CNBD1: variants seen among roughly 807,000 people sequenced by gnomAD.
CNBD1 encodes the protein cyclic nucleotide-binding domain-containing protein 1.
Under a neutral mutation model 54.4 loss-of-function variants are expected in CNBD1, and 71 were observed. The observed-to-expected ratio is 1.30, with a 90% CI of 1.08 to 1.59. The LOEUF is 1.59. CNBD1 is among the 40% of genes most tolerant of loss of function. The pLI, the probability that CNBD1 is intolerant of heterozygous loss-of-function variation, is 0.00. For missense variants in CNBD1, 659 were observed against 518.0 expected (o/e 1.27, Z -2.64); for synonymous variants, 182 against 170.7 (o/e 1.07, Z -0.51).
intron 8 of CNBD1, among the ~76,000 whole-genome samples, chr8:87,341,490 C>G (rs941435898): frequency 6.6e-6 from 1 of 152,158 alleles, no homozygotes; most frequent in East Asian, 1.9e-4. Flanking sequence ...GTAGTGTAAA[C>G]TCTTCTAATA....
intron 4 of CNBD1, among the ~76,000 whole-genome samples, chr8:87,109,641 C>T (rs577332166): frequency 1.3e-4 from 20 of 151,122 alleles, no homozygotes; most frequent in African/African-American, 4.6e-4. Flanking sequence ...TGGGTTCACG[C>T]CATTCTCCTG....
At chr8:87,288,083 T>A (rs1808729122) in intron 8 of CNBD1, among the ~76,000 whole-genome samples, 1 of 152,090 alleles carries the variant, frequency 6.6e-6, no homozygotes, top group Non-Finnish European at 1.5e-5. Flanking sequence ...GTTTATTACA[T>A]AGAAACAGAT....
chr8:87,353,189 T>C (rs1810342706), intron 9 of CNBD1, among the ~76,000 whole-genome samples: 1 of 152,230 alleles, frequency 6.6e-6, no homozygotes, highest in Non-Finnish European at 1.5e-5. Context: ...TCCCTCCTTT[T>C]TGACTTAATA....
At chr8:87,152,807 G>A (rs1812634847) in intron 4 of CNBD1, among the ~76,000 whole-genome samples, 1 of 152,094 alleles carries the variant, frequency 6.6e-6, no homozygotes, top group African/African-American at 2.4e-5. Context: ...AAAAACAAAG[G>A]TCTGCAAGTT....
At position 86,888,417 on chromosome 8, in the gene CNBD1, T is replaced by C. The variant is rs944276866; in HGVS notation, c.158+806T>C. Among the ~76,000 whole-genome samples the C allele has an allele frequency of 6.6e-5, 10 of 152,212 alleles. 1 individual carries two copies. The highest frequency in any genetic ancestry group is 5.9e-4 in the Admixed American group (9 of 15,278). On this transcript the variant is annotated intron_variant, in intron 2 of 10. Transcript: ENST00000518476. ...TCCTTGCACCCAGTGCCTTTCGACA[T>C]GGAGTAAAGAATGAAGTCCACACAC...
At chr8:87,177,656 A>C (rs1813227394) in intron 4 of CNBD1, among the ~76,000 whole-genome samples, 1 of 152,190 alleles carries the variant, frequency 6.6e-6, no homozygotes, top group African/African-American at 2.4e-5. Context: ...ATAAAACACA[A>C]AGCACTCAAG....
chr8:87,343,849 A>G (rs568124066), intron 8 of CNBD1, among the ~76,000 whole-genome samples: 100 of 152,256 alleles, frequency 6.6e-4, no homozygotes, highest in African/African-American at 2.3e-3. Context: ...CTTAATATAT[A>G]AATATGTAGA....
At chr8:87,125,881 C>T (rs990739588) in intron 4 of CNBD1, among the ~76,000 whole-genome samples, 1 of 151,762 alleles carries the variant, frequency 6.6e-6, no homozygotes, top group African/African-American at 2.4e-5. Flanking sequence ...ATTTCTATTG[C>T]TATATAGATC....
intron 4 of CNBD1, among the ~76,000 whole-genome samples, chr8:86,951,367 T>A (rs1240129967): frequency 6.6e-6 from 1 of 151,786 alleles, no homozygotes. Flanking sequence ...GGCAGGCAGA[T>A]CACCTGAGGT....
At chr8:86,920,092 A>C (rs1809247696) in intron 3 of CNBD1, among the ~76,000 whole-genome samples, 1 of 152,164 alleles carries the variant, frequency 6.6e-6, no homozygotes, top group African/African-American at 2.4e-5. Context: ...TTAAAGCATT[A>C]ATTCATTCAT....
chr8:86,884,130 C>T (rs979938192), intron 1 of CNBD1, among the ~76,000 whole-genome samples: 23 of 150,642 alleles, frequency 1.5e-4, no homozygotes, highest in African/African-American at 5.6e-4. Context: ...CCAGCCTGGG[C>T]GACAGAGCGA....
At chr8:87,337,161 G>T (rs922526489) in intron 8 of CNBD1, among the ~76,000 whole-genome samples, 6 of 152,114 alleles carry the variant, frequency 3.9e-5, no homozygotes, top group Non-Finnish European at 8.8e-5. Flanking sequence ...TCCCTGTTGT[G>T]GGATCTTACC....
intron 10 of CNBD1, among the ~76,000 whole-genome samples, chr8:87,379,957 T>A (rs1296078910): frequency 3.3e-5 from 5 of 151,844 alleles, no homozygotes; most frequent in African/African-American, 4.8e-5. Context: ...TTAGAAACAT[T>A]TACCAAGTGG....
In CNBD1 at chr8:87,376,590, G is replaced by T. The variant is rs540816934; in HGVS notation, c.1304-6030G>T. Among the ~76,000 whole-genome samples, 4 of 151,846 alleles carry T rather than the reference G, an allele frequency of 2.6e-5. 1 individual carries two copies. Among genetic ancestry groups the T allele is most frequent in the Admixed American group, 2.0e-4 (3 of 15,188 alleles). On this transcript the variant is annotated intron_variant, in intron 10 of 10. Coordinates refer to ENST00000518476, the MANE Select transcript of CNBD1 (RefSeq NM_173538.3). ...ATAGCAACATGCTTCGCACACATTT[G>T]GACATATGTATTCATAGAGTTCTAT...
intron 8 of CNBD1, among the ~76,000 whole-genome samples, chr8:87,332,262 C>T (rs761501885): frequency 2.6e-5 from 4 of 151,410 alleles, no homozygotes; most frequent in East Asian, 2.0e-4. Flanking sequence ...TCAGGAGAAT[C>T]GCTTGAACGC....
intron 4 of CNBD1, among the ~76,000 whole-genome samples, chr8:86,958,504 G>C (rs1036289395): frequency 6.6e-6 from 1 of 152,188 alleles, no homozygotes; most frequent in African/African-American, 2.4e-5. Flanking sequence ...TTATGAATCT[G>C]GGTGCTCCTG....
At chr8:87,245,867 GT>G (rs1337593247) in intron 6 of CNBD1, among the ~76,000 whole-genome samples, 12 of 151,550 alleles carry the variant, frequency 7.9e-5, no homozygotes, top group Non-Finnish European at 1.3e-4. Flanking sequence ...TGGATATATT[GT>G]TTTTTTCTTT....
At chr8:87,375,102 A>T (rs550326007) in intron 10 of CNBD1, among the ~76,000 whole-genome samples, 1 of 151,930 alleles carries the variant, frequency 6.6e-6, no homozygotes, top group African/African-American at 2.4e-5. Context: ...ATGAAAATAT[A>T]TGTGCATAAA....
intron 4 of CNBD1, among the ~76,000 whole-genome samples, chr8:87,020,877 CTA>C (rs1056430106): frequency 1.3e-5 from 2 of 152,178 alleles, no homozygotes; most frequent in Non-Finnish European, 2.9e-5. Context: ...CCTGTTATCT[CTA>C]AAGTCTGCTA....
Sources: allele counts gnomAD v4.1 joint callset (sites outside exome capture counted in the v4.1 genomes callset), GRCh38; gene constraint gnomAD v4.1.1; transcripts MANE v1.5; gene names NCBI Gene and HGNC (gene_info 2026-07-23, HGNC 2026-07-21).